ADGRG6: variants seen among roughly 807,000 people sequenced by gnomAD.
The protein encoded by ADGRG6 is adhesion G protein-coupled receptor G6.
Under a neutral mutation model 142.4 loss-of-function variants are expected in ADGRG6, and 84 were observed. The ratio of observed to expected loss-of-function variants is 0.59; its 90% CI spans 0.49 to 0.71. The LOEUF is 0.71. Among genes scored for constraint, ADGRG6 ranks in the 30% least tolerant of loss-of-function variants. The pLI, the probability that ADGRG6 is intolerant of heterozygous loss-of-function variation, is 0.00. For synonymous variants in ADGRG6, 521 were observed against 520.5 expected (o/e 1.00, Z -0.01); for missense variants, 1,367 against 1,466.6 (o/e 0.93, Z 1.11).
chr6:142,332,771 C>T (rs903772045), intron 2 of ADGRG6, among the ~76,000 whole-genome samples: 3 of 152,248 alleles, frequency 2.0e-5, no homozygotes, highest in South Asian at 2.1e-4. Flanking sequence ...AAATACCCTT[C>T]GGCCTTCATC....
At chr6:142,380,913 A>G (rs956156881) in intron 4 of ADGRG6, among the ~76,000 whole-genome samples, 1 of 152,188 alleles carries the variant, frequency 6.6e-6, no homozygotes, top group Non-Finnish European at 1.5e-5. Flanking sequence ...TGTTGAGTGA[A>G]TGTGTAAAGG....
chr6:142,334,359 G>A (rs374725396), intron 2 of ADGRG6, among the ~76,000 whole-genome samples: 33 of 152,116 alleles, frequency 2.2e-4, no homozygotes, highest in South Asian at 4.1e-4. Context: ...TAACACTAGG[G>A]AATCCAGGCT....
chr6:142,353,023 T>C (rs1326588699), intron 2 of ADGRG6, among the ~76,000 whole-genome samples: 1 of 152,166 alleles, frequency 6.6e-6, no homozygotes, highest in Admixed American at 6.5e-5. Flanking sequence ...ATGAAGGAAA[T>C]CTATAACTTT....
intron 4 of ADGRG6, 29 bp downstream of exon 4, chr6:142,370,822 T>C: frequency 1.2e-6 from 2 of 1,610,018 alleles, no homozygotes; most frequent in Non-Finnish European, 1.7e-6. Flanking sequence ...CCTTTTTTTT[T>C]TTTTTTTTAG....
chr6:142,369,370 ATATTAACT>A (rs1461227526), intron 3 of ADGRG6, among the ~76,000 whole-genome samples: 4 of 152,192 alleles, frequency 2.6e-5, no homozygotes, highest in African/African-American at 9.7e-5. Context: ...TGCCTTGGAC[ATATTAACT>A]TATTTAATTC....
intron 4 of ADGRG6, among the ~76,000 whole-genome samples, chr6:142,378,683 C>G (rs1474368512): frequency 6.6e-6 from 1 of 152,168 alleles, no homozygotes; most frequent in African/African-American, 2.4e-5. Context: ...AGCCAAGCTT[C>G]CTCTTCTTGC....
chr6:142,425,895 C>CATTTTTAAACGCATTAGATCTTGTGAAA (rs1776916610), intron 22 of ADGRG6, among the ~76,000 whole-genome samples: 1 of 152,130 alleles, frequency 6.6e-6, no homozygotes, highest in Non-Finnish European at 1.5e-5. Flanking sequence ...GAAAAACTCC[C>CATTTTTAAACGCATTAGATCTTGTGAAA]ATTTTTAAAC....
At chr6:142,443,266 A>T in intron 24 of ADGRG6, 71 bp from the exon 25 acceptor site, 1 of 940,906 alleles carries the variant, frequency 1.1e-6, no homozygotes, top group Non-Finnish European at 1.6e-6. Context: ...AAAACGGAGT[A>T]TACAATATGG....
rs190096860 is a variant in ADGRG6 at position 142,338,482 on chromosome 6, G to T, written c.103+28838G>T. Among the ~76,000 whole-genome samples, 25 of 150,064 alleles carry T rather than the reference G, an allele frequency of 1.7e-4. No individual in the cohort carries two copies. In the East Asian group the frequency reaches 4.5e-3, roughly 27 times the overall value. ...TAAGAGTTTTATTATGTTAAATATT[G>T]TATATTTAATTATATTTATTACATA... On this transcript the variant is annotated intron_variant, in intron 2 of 24. Transcript: ENST00000367609.
intron 14 of ADGRG6, chr6:142,405,213 T>C: frequency 8.0e-6 from 3 of 375,892 alleles, no homozygotes; most frequent in Non-Finnish European, 1.6e-5. Flanking sequence ...AAAGCATTCT[T>C]TGTCCTTGAG....
chr6:142,395,579 A>G (rs935976834), intron 9 of ADGRG6, among the ~76,000 whole-genome samples: 29 of 152,216 alleles, frequency 1.9e-4, no homozygotes, highest in African/African-American at 7.0e-4. Context: ...ATGGGATTTC[A>G]GTTTCCTGGT....
At chr6:142,398,191 C>T (rs1013626215) in intron 10 of ADGRG6, among the ~76,000 whole-genome samples, 1 of 152,140 alleles carries the variant, frequency 6.6e-6, no homozygotes. Flanking sequence ...CTTTGGGAGG[C>T]CAAGGTGGAG....
At chr6:142,311,481 G>T (rs1404539024) in intron 2 of ADGRG6, among the ~76,000 whole-genome samples, 1 of 151,848 alleles carries the variant, frequency 6.6e-6, no homozygotes, top group East Asian at 1.9e-4. Flanking sequence ...TGCCTTATAA[G>T]ATGACTCAGC....
intron 2 of ADGRG6, among the ~76,000 whole-genome samples, chr6:142,327,666 G>A (rs1319367526): frequency 2.0e-5 from 3 of 152,072 alleles, no homozygotes; most frequent in South Asian, 4.1e-4. Flanking sequence ...TATTTGGGAA[G>A]TCAGCTATTT....
intron 2 of ADGRG6, among the ~76,000 whole-genome samples, chr6:142,312,582 A>G (rs1412505755): frequency 5.3e-5 from 8 of 152,106 alleles, no homozygotes; most frequent in African/African-American, 1.9e-4. Context: ...AACATCCAAT[A>G]CAATCAAAAT....
intron 1 of ADGRG6, among the ~76,000 whole-genome samples, chr6:142,308,515 G>T (rs1777610388): frequency 6.6e-6 from 1 of 151,902 alleles, no homozygotes; most frequent in African/African-American, 2.4e-5. Context: ...TAAGCAAACT[G>T]CAGGCTTTAG....
intron 4 of ADGRG6, among the ~76,000 whole-genome samples, chr6:142,381,613 G>A (rs1781773593): frequency 6.6e-6 from 1 of 152,130 alleles, no homozygotes; most frequent in Non-Finnish European, 1.5e-5. Flanking sequence ...CTTGATGTTT[G>A]TATTATTTTA....
chr6:142,385,923 T>C (rs1258056584), intron 6 of ADGRG6, among the ~76,000 whole-genome samples: 1 of 152,216 alleles, frequency 6.6e-6, no homozygotes, highest in African/African-American at 2.4e-5. Context: ...CATTCTGATA[T>C]ATTAGAGAAT....
chr6:142,381,959 C>G lies in ADGRG6; in HGVS notation c.1078C>G (p.Leu360Val). Reference protein sequence around the residue: ...AESNLSCGSYLIPLPAAELAS... With the variant: ...AESNLSCGSYVIPLPAAELAS... Reference sequence around the variant, plus strand: ...TTTTTGTGTTGATCAAGGTTCCTACCTGATCCCGCTCCCAGCAGCAGAACT... The same window carrying G: ...TTTTTGTGTTGATCAAGGTTCCTACGTGATCCCGCTCCCAGCAGCAGAACT... Residue 360 changes from leucine (L) to valine (V), a missense_variant, in exon 5 of 25, where the codon CTG (leucine) becomes GTG (valine). Leu to Val is a conservative substitution (Grantham distance 32, BLOSUM62 1). Coordinates refer to ENST00000367609, the MANE Select transcript of ADGRG6 (RefSeq NM_198569.3). 6.3e-7 allele frequency: 1 copy of G among 1,597,374 alleles called. No homozygotes were observed. Among genetic ancestry groups the G allele is most frequent in the Non-Finnish European group, 8.6e-7 (1 of 1,168,678 alleles).
Sources: gnomAD v4.1 joint callset for allele counts (sites outside exome capture counted in the v4.1 genomes callset) on GRCh38, gnomAD v4.1.1 for gene constraint, MANE v1.5 for transcripts, NCBI Gene and HGNC (gene_info 2026-07-23, HGNC 2026-07-21) for gene names.